The following TNN variants were observed in gnomAD, a reference collection of about 807,000 sequenced individuals.
TNN encodes the protein tenascin-N.
A neutral mutation model predicts 134.4 loss-of-function variants in TNN; 122 were observed. The observed-to-expected ratio is 0.91, with a 90% confidence interval of 0.78 to 1.06. TNN has a LOEUF of 1.06. Among genes scored for constraint, TNN ranks in the 50% least tolerant of loss-of-function variants. The probability of loss-of-function intolerance (pLI) is 0.00; values close to 1 mark genes in which losing one functional copy is unlikely to be tolerated. For synonymous variants in TNN, 710 were observed against 670.3 expected (o/e 1.06, Z -0.91); for missense variants, 1,739 against 1,699.4 (o/e 1.02, Z -0.41).
intron 2 of TNN, 54 bp from the exon 3 acceptor site, chr1:175,079,279 G>C: frequency 1.3e-5 from 19 of 1,517,734 alleles, no homozygotes; most frequent in Non-Finnish European, 1.7e-5. Context: ...AGAGGAAGGA[G>C]ATCCCCACGC....
chr1:175,101,989 CAG>C (rs1286210282), intron 9 of TNN, among the ~76,000 whole-genome samples: 3 of 144,326 alleles, frequency 2.1e-5, no homozygotes, highest in African/African-American at 5.0e-5. Flanking sequence ...CAGCTAGATA[CAG>C]AGTGTCGATT....
At chr1:175,069,231 C>A (rs1257223994) in intron 1 of TNN, among the ~76,000 whole-genome samples, 6 of 152,164 alleles carry the variant, frequency 3.9e-5, no homozygotes, top group African/African-American at 1.2e-4. Flanking sequence ...TCGGTCAGGG[C>A]TACGTATTGG....
Position 175,094,099 on chromosome 1 carries a change from T to A in TNN, c.1434T>A (p.Thr478=). Residue 478 remains threonine (T), a synonymous_variant, in exon 7 of 19, where the codon ACT becomes ACA. Coordinates refer to ENST00000239462, the MANE Select transcript of TNN (RefSeq NM_022093.2). ...AVIDKYVVRY[T]SADGDTKEMA... is the part of the protein sequence containing the mutation. ...TAGACAAGTATGTAGTGCGCTACAC[T>A]TCTGCTGATGGGGACACCAAGGAAA... 6.2e-7 allele frequency: 1 copy of A among 1,614,192 alleles called. No individual in the cohort carries two copies. Among genetic ancestry groups the A allele is most frequent in the Non-Finnish European group, 8.5e-7 (1 of 1,180,026 alleles).
chr1:175,142,181 G>C (rs139281338), intron 17 of TNN, among the ~76,000 whole-genome samples: 1 of 152,346 alleles, frequency 6.6e-6, no homozygotes, highest in Non-Finnish European at 1.5e-5. Context: ...TTGGATTGGA[G>C]AAAACTACTG....
chr1:175,084,041 C>T, intron 5 of TNN, 106 bp downstream of exon 5: 2 of 1,168,514 alleles, frequency 1.7e-6, no homozygotes, highest in South Asian at 1.5e-5. Context: ...GCACAGACAG[C>T]CCAGGGGCCT....
intron 1 of TNN, among the ~76,000 whole-genome samples, chr1:175,075,111 A>G (rs1055612686): frequency 1.3e-5 from 2 of 152,222 alleles, no homozygotes; most frequent in Non-Finnish European, 2.9e-5. Flanking sequence ...ATTTCATGCT[A>G]TTGTGATTCT....
intron 1 of TNN, among the ~76,000 whole-genome samples, chr1:175,069,015 G>C (rs1417672653): frequency 6.6e-6 from 1 of 152,146 alleles, no homozygotes; most frequent in Non-Finnish European, 1.5e-5. Flanking sequence ...CTGGGGGAAG[G>C]ATGGAGAAAG....
intron 5 of TNN, among the ~76,000 whole-genome samples, chr1:175,085,062 G>C (rs568074989): frequency 6.6e-6 from 1 of 152,304 alleles, no homozygotes; most frequent in Non-Finnish European, 1.5e-5. Context: ...GAAGGAAAAG[G>C]GTTGCTGGGA....
chr1:175,098,615 G>T lies in TNN; in HGVS notation c.2119+20G>T. On this transcript the variant is annotated intron_variant, in intron 9 of 18. Coordinates refer to ENST00000239462, the MANE Select transcript of TNN (RefSeq NM_022093.2). The stretch of plus-strand genomic sequence containing the variant: ...AGACAGGTAAGGAGTGTGCATTATT[G>T]CTGTGCCGATGCCATGCTCAGGGTC... 1 of 1,613,784 alleles carries T rather than the reference G, an allele frequency of 6.2e-7. No individual in the cohort carries two copies. Among genetic ancestry groups the T allele is most frequent in the Non-Finnish European group, 8.5e-7 (1 of 1,179,866 alleles).
In TNN at chr1:175,080,559, G is replaced by A. The variant is rs1674176720; in HGVS notation, c.1048+133G>A. ...CACACCTGCCACAATCCTAGGTTCT[G>A]AAGAGTCCCAGTTCTCTCTCTTCTT... On this transcript the variant is annotated intron_variant, in intron 4 of 18. Transcript: ENST00000239462. The A allele has an allele frequency of 2.7e-6, 3 of 1,124,424 alleles. No individual in the cohort carries two copies. The South Asian group carries it at 4.6e-5, about 17-fold the overall frequency. 69.7% of individuals were successfully genotyped at this position (1,124,424 alleles called of 1,614,324 possible).
At chr1:175,119,278 A>C (rs1023267010) in intron 11 of TNN, among the ~76,000 whole-genome samples, 1 of 152,234 alleles carries the variant, frequency 6.6e-6, no homozygotes, top group African/African-American at 2.4e-5. Context: ...TTTTTAGACC[A>C]TATAGGGTGA....
intron 9 of TNN, among the ~76,000 whole-genome samples, chr1:175,106,907 TCCGGCGGC>T (rs1275274932): frequency 1.4e-5 from 2 of 145,848 alleles, no homozygotes; most frequent in African/African-American, 4.9e-5. Flanking sequence ...GTGTCTTTAG[TCCGGCGGC>T]CCGCTAGTCA....
At position 175,095,155 on chromosome 1, in the gene TNN, C is replaced by T. The variant is rs185509396; in HGVS notation, c.1588+902C>T. ...TCAGTATTTGGCTCTTGAAAGATTT[C>T]GTGGTGCACAGCCTCCTAGATCCAT... On this transcript the variant is annotated intron_variant, in intron 7 of 18. Transcript: ENST00000239462. Among the ~76,000 whole-genome samples the T allele has an allele frequency of 2.0e-3, 301 of 152,262 alleles. 1 individual carries two copies. Among genetic ancestry groups the T allele is most frequent in the Non-Finnish European group, 2.9e-4 (20 of 68,018 alleles).
rs1430352217 is a variant in TNN at position 175,126,957 on chromosome 1, C to T, written c.2917C>T (p.Leu973Phe). 2 of 1,610,556 alleles carry T rather than the reference C, an allele frequency of 1.2e-6. No individual in the cohort carries two copies. Among genetic ancestry groups the T allele is most frequent in the Admixed American group, 1.7e-5 (1 of 59,148 alleles). Residue 973 changes from leucine (L) to phenylalanine (F), a missense_variant and splice_region_variant, in exon 13 of 19, where the codon CTC (leucine) becomes TTC (phenylalanine). Coordinates refer to ENST00000239462, the MANE Select transcript of TNN (RefSeq NM_022093.2). Reference protein sequence around the residue: ...KKADTKAQTELDPPRNLRPSA... With the variant: ...KKADTKAQTEFDPPRNLRPSA... ...ATTACCTGACTTTCTACGTACAGAA[C>T]TCGACCCTCCCAGAAACCTTCGTCC...
intron 12 of TNN, among the ~76,000 whole-genome samples, chr1:175,124,189 T>C (rs948976622): frequency 6.6e-6 from 1 of 152,226 alleles, no homozygotes; most frequent in Non-Finnish European, 1.5e-5. Context: ...TATGAGCCTC[T>C]TCTGGCAGTA....
At chr1:175,083,962 T>A in intron 5 of TNN, 27 bp downstream of exon 5, 1 of 1,609,328 alleles carries the variant, frequency 6.2e-7, no homozygotes, top group East Asian at 2.2e-5. Context: ...GAATGTGAGA[T>A]GTATGCTGTG....
rs536673477 is a variant in TNN at position 175,144,342 on chromosome 1, G to T, written c.3596-45G>T. On this transcript the variant is annotated intron_variant, in intron 17 of 18. Transcript: ENST00000239462. ...TGGGTCCTCTTTTGATCATCTCCTC[G>T]GTGGCTAACCCTGGGCTCTCGCCTC... The T allele has an allele frequency of 2.5e-6, 4 of 1,585,644 alleles. No individual in the cohort carries two copies. The Admixed American group carries it at 6.8e-5, about 27-fold the overall frequency.
chr1:175,140,643 A>G (rs1172985986), intron 17 of TNN, among the ~76,000 whole-genome samples: 1 of 152,206 alleles, frequency 6.6e-6, no homozygotes, highest in Non-Finnish European at 1.5e-5. Flanking sequence ...TGAGGGGATA[A>G]TTCCTGTTCT....
chr1:175,146,029 C>T (rs1355235477), intron 18 of TNN, among the ~76,000 whole-genome samples: 1 of 152,250 alleles, frequency 6.6e-6, no homozygotes, highest in African/African-American at 2.4e-5. Flanking sequence ...TTAGCACATC[C>T]GAAGTCCAGG....
Sources: allele counts gnomAD v4.1 joint callset (sites outside exome capture counted in the v4.1 genomes callset), GRCh38; gene constraint gnomAD v4.1.1; transcripts MANE v1.5; gene names NCBI Gene and HGNC (gene_info 2026-07-23, HGNC 2026-07-21).